Variants in TAOK1 observed in about 807,000 individuals in gnomAD.
The protein encoded by TAOK1 is TAO kinase 1, also known as serine/threonine-protein kinase TAO1.
In TAOK1, 21 loss-of-function variants were observed where a neutral mutation model predicts 138.3. The observed-to-expected ratio is 0.15, with a 90% CI of 0.11 to 0.22. TAOK1 has a LOEUF of 0.22. TAOK1 is among the 10% of genes least tolerant of loss of function. The pLI, the probability that TAOK1 is intolerant of heterozygous loss-of-function variation, is 1.00. For synonymous variants in TAOK1, 361 were observed against 398.4 expected (o/e 0.91, Z 1.12); for missense variants, 651 against 1,227.7 (o/e 0.53, Z 7.02).
chr17:29,421,011 C>A (rs531230617), intron 1 of TAOK1, among the ~76,000 whole-genome samples: 1 of 152,130 alleles, frequency 6.6e-6, no homozygotes, highest in Non-Finnish European at 1.5e-5. Flanking sequence ...CTCATTGCAA[C>A]CTCTGCCTCC....
chr17:29,440,408 C>G (rs2029907831), intron 1 of TAOK1, among the ~76,000 whole-genome samples: 1 of 151,958 alleles, frequency 6.6e-6, no homozygotes, highest in Non-Finnish European at 1.5e-5. Flanking sequence ...TGCTCCACAA[C>G]CCCCCAAAAG....
At position 29,547,410 on chromosome 17, in the gene TAOK1, T is replaced by G. The variant is rs926654405; in HGVS notation, c.*4388T>G. On this transcript the variant is annotated 3_prime_UTR_variant, in exon 20 of 20. Transcript: ENST00000261716. ...CTTCTTGCTTGCTAATAGTAAGTTCTTTGTGCACCTTCCACCACTTCTGAG... is the reference window on the plus strand; with the variant it reads ...CTTCTTGCTTGCTAATAGTAAGTTCGTTGTGCACCTTCCACCACTTCTGAG... 6.6e-6 allele frequency: 1 copy of G among 152,094 alleles called. No individual in the cohort carries two copies. The highest frequency in any genetic ancestry group is 1.5e-5 in the Non-Finnish European group (1 of 67,966). The allele number at this position is 152,094 out of a possible 1,614,324, so 9.4% of individuals were successfully genotyped here.
chr17:29,506,871 GA>G (rs1428368912), intron 13 of TAOK1, among the ~76,000 whole-genome samples: 4 of 152,092 alleles, frequency 2.6e-5, no homozygotes, highest in African/African-American at 9.7e-5. Flanking sequence ...TGGATGAGTG[GA>G]TAAACAAATT....
At chr17:29,468,975 T>C (rs1174904161) in intron 3 of TAOK1, among the ~76,000 whole-genome samples, 1 of 152,218 alleles carries the variant, frequency 6.6e-6, no homozygotes, top group African/African-American at 2.4e-5. Flanking sequence ...AAAATGAAAT[T>C]ATTAATGCTA....
chr17:29,506,788 G>A (rs1226066380), intron 13 of TAOK1, among the ~76,000 whole-genome samples: 2 of 152,106 alleles, frequency 1.3e-5, no homozygotes, highest in African/African-American at 4.8e-5. Context: ...ACTCAGACAA[G>A]TGCATGTACA....
chr17:29,485,319 G>A (rs559579104), intron 8 of TAOK1, among the ~76,000 whole-genome samples: 7 of 152,092 alleles, frequency 4.6e-5, no homozygotes, highest in Non-Finnish European at 1.0e-4. Context: ...TACAAAAGGA[G>A]CGAAAAGAAA....
chr17:29,472,827 C>T (rs575010453), intron 3 of TAOK1, among the ~76,000 whole-genome samples: 4 of 152,292 alleles, frequency 2.6e-5, no homozygotes, highest in African/African-American at 7.2e-5. Context: ...CCGCCCGCCT[C>T]GGCCTCCCAA....
At chr17:29,431,756 C>T (rs1228281401) in intron 1 of TAOK1, among the ~76,000 whole-genome samples, 1 of 151,758 alleles carries the variant, frequency 6.6e-6, no homozygotes, top group African/African-American at 2.4e-5. Flanking sequence ...TCTGCCTCAG[C>T]CTCCCAAGTA....
Position 29,500,480 on chromosome 17 carries a change from C to A in TAOK1, c.1203+1959C>A, listed in dbSNP as rs951886173. Among the ~76,000 whole-genome samples, 5 of 152,096 alleles carry A rather than the reference C, an allele frequency of 3.3e-5. No homozygotes were observed. In the East Asian group the frequency reaches 9.6e-4, roughly 29 times the overall value. ...TTTATAGGCCAGGTGTAGTGGTTTA[C>A]GCCTGTAATCCCAGCACTTTGGGAG... On this transcript the variant is annotated intron_variant, in intron 12 of 19. Transcript: ENST00000261716.
chr17:29,479,743 T>C, intron 6 of TAOK1, among the ~76,000 whole-genome samples: 1 of 152,250 alleles, frequency 6.6e-6, no homozygotes, highest in East Asian at 1.9e-4. Flanking sequence ...GCTAATTAGA[T>C]GGACAGTCTT....
At chr17:29,533,122 G>A (rs1047313134) in intron 18 of TAOK1, among the ~76,000 whole-genome samples, 26 of 150,520 alleles carry the variant, frequency 1.7e-4, no homozygotes, top group South Asian at 1.5e-3. Flanking sequence ...CTTCTCAGAC[G>A]GGGCGGTTGC....
At chr17:29,526,165 C>T (rs935605542) in intron 17 of TAOK1, among the ~76,000 whole-genome samples, 5 of 151,772 alleles carry the variant, frequency 3.3e-5, no homozygotes, top group African/African-American at 1.2e-4. Flanking sequence ...CTCCTAGCTA[C>T]TTGGGAGGCT....
intron 2 of TAOK1, among the ~76,000 whole-genome samples, chr17:29,459,516 A>T (rs992790761): frequency 2.0e-5 from 3 of 151,806 alleles, no homozygotes; most frequent in Non-Finnish European, 2.9e-5. Context: ...CGAACTCCTG[A>T]CCTCAAGTGA....
chr17:29,457,466 C>T (rs868315590), intron 2 of TAOK1, among the ~76,000 whole-genome samples: 1 of 129,700 alleles, frequency 7.7e-6, no homozygotes, highest in South Asian at 2.5e-4. Context: ...AGTGCAATGG[C>T]GTGATCTCGG....
intron 8 of TAOK1, among the ~76,000 whole-genome samples, chr17:29,486,681 A>G (rs764238995): frequency 5.3e-5 from 8 of 152,302 alleles, no homozygotes; most frequent in Non-Finnish European, 1.0e-4. Context: ...ACACATTGTA[A>G]ATTTGGTGAA....
intron 3 of TAOK1, among the ~76,000 whole-genome samples, chr17:29,472,678 G>A (rs559000663): frequency 1.1e-4 from 16 of 151,536 alleles, no homozygotes; most frequent in African/African-American, 3.9e-4. Context: ...GGGTTCAAGT[G>A]ATTCTCCTGC....
intron 1 of TAOK1, among the ~76,000 whole-genome samples, chr17:29,442,912 G>A (rs574433880): frequency 2.3e-4 from 35 of 152,128 alleles, no homozygotes; most frequent in Middle Eastern, 6.8e-3. Flanking sequence ...CAAATGTGTA[G>A]GTAAGCCTGA....
In TAOK1 at chr17:29,477,619, TATA is replaced by T. The variant is rs751058689; in HGVS notation, c.307-35_307-33del. 5.6e-6 allele frequency: 6 copies of T among 1,079,178 alleles called. No homozygotes were observed. In the East Asian group the frequency reaches 1.0e-4, roughly 19 times the overall value. 66.9% of individuals were successfully genotyped at this position (1,079,178 alleles called of 1,614,324 possible). On this transcript the variant is annotated intron_variant, in intron 4 of 19. Transcript: ENST00000261716. ...TTATCTTAAATTTATATTAAATCTT[TATA>T]ATAATATATTTTAATGCTTTTATAA...
At chr17:29,399,750 G>A (rs1904780432) in intron 1 of TAOK1, among the ~76,000 whole-genome samples, 1 of 151,310 alleles carries the variant, frequency 6.6e-6, no homozygotes, top group African/African-American at 2.4e-5. Context: ...TCTTTCTTTG[G>A]GATAGATTCT....
Sources: gnomAD v4.1 joint callset for allele counts (sites outside exome capture counted in the v4.1 genomes callset) on GRCh38, gnomAD v4.1.1 for gene constraint, MANE v1.5 for transcripts, NCBI Gene and HGNC (gene_info 2026-07-23, HGNC 2026-07-21) for gene names.